The following NLRP3 variants were observed in gnomAD, a reference collection of about 807,000 sequenced individuals.
The protein encoded by NLRP3 is NACHT, LRR and PYD domains-containing protein 3.
Under a neutral mutation model 91.3 loss-of-function variants are expected in NLRP3, and 48 were observed. The observed-to-expected ratio is 0.53, with a 90% CI of 0.42 to 0.67. NLRP3 has a LOEUF of 0.67. Ranked by LOEUF, NLRP3 falls within the 30% of genes least tolerant of loss-of-function variation. NLRP3 has a pLI of 0.00. For synonymous variants in NLRP3, 561 were observed against 507.9 expected (o/e 1.10, Z -1.41); for missense variants, 982 against 1,276.9 (o/e 0.77, Z 3.52).
chr1:247,441,169 TTCTC>T (rs773140963), intron 7 of NLRP3, among the ~76,000 whole-genome samples: 2 of 140,370 alleles, frequency 1.4e-5, no homozygotes, highest in Non-Finnish European at 3.1e-5. Context: ...CTTTCTTTCT[TTCTC>T]TTTCTCCCTT....
At chr1:247,443,073 C>T (rs1176161071) in intron 7 of NLRP3, among the ~76,000 whole-genome samples, 1 of 152,028 alleles carries the variant, frequency 6.6e-6, no homozygotes, top group Non-Finnish European at 1.5e-5. Context: ...TTACAGGTGC[C>T]CACCACCACC....
chr1:247,422,769 C>A (rs942822651), intron 2 of NLRP3, among the ~76,000 whole-genome samples: 1 of 152,208 alleles, frequency 6.6e-6, no homozygotes, highest in Non-Finnish European at 1.5e-5. Context: ...GACATCTAGA[C>A]TTGACAATAG....
rs185900790 is a variant in NLRP3 at position 247,445,301 on chromosome 1, C to T, written c.3005+480C>T. 3.3e-3 allele frequency among the ~76,000 whole-genome samples: 508 copies of T among 152,128 alleles called. 4 individuals are homozygous for T. The highest frequency in any genetic ancestry group is 0.012 in the African/African-American group (480 of 41,512). ...CTGCAAGCTCCGCCTCCCGGGTTCA[C>T]GCCATTCTCCTGCCTCGGCCTCCCA... On this transcript the variant is annotated intron_variant, in intron 9 of 9. Transcript: ENST00000336119.
At chr1:247,432,028 GC>G (rs2103146356) in intron 5 of NLRP3, among the ~76,000 whole-genome samples, 1 of 152,224 alleles carries the variant, frequency 6.6e-6, no homozygotes, top group East Asian at 1.9e-4. Flanking sequence ...GGGATTACAG[GC>G]ATGGGCCACC....
intron 5 of NLRP3, among the ~76,000 whole-genome samples, chr1:247,433,166 C>T (rs1268067354): frequency 1.3e-5 from 2 of 151,728 alleles, no homozygotes; most frequent in African/African-American, 4.8e-5. Flanking sequence ...ATGATCTCGC[C>T]AGTGCACTCC....
chr1:247,427,286 G>A (rs575727815), intron 4 of NLRP3, among the ~76,000 whole-genome samples: 100 of 152,322 alleles, frequency 6.6e-4, no homozygotes, highest in African/African-American at 2.3e-3. Flanking sequence ...TCATGTTGAG[G>A]GTTAGGATTT....
chr1:247,435,278 T>G (rs1433951099), intron 6 of NLRP3, among the ~76,000 whole-genome samples: 1 of 152,116 alleles, frequency 6.6e-6, no homozygotes, highest in African/African-American at 2.4e-5. Context: ...AAACATGTTA[T>G]TTGTACATCT....
intron 9 of NLRP3, among the ~76,000 whole-genome samples, chr1:247,446,184 G>C (rs1490442059): frequency 6.6e-6 from 1 of 152,110 alleles, no homozygotes; most frequent in African/African-American, 2.4e-5. Context: ...TGCCTTCCCA[G>C]CTTGGCCACT....
chr1:247,433,795 A>G (rs1480382490), intron 5 of NLRP3, among the ~76,000 whole-genome samples: 1,550 of 126,408 alleles, frequency 0.012, 38 homozygotes, highest in Non-Finnish European at 0.015. Flanking sequence ...TCTCTATTCC[A>G]GAGCTCTCTG....
intron 2 of NLRP3, 35 bp from the exon 3 acceptor site, chr1:247,423,195 G>A (rs200793538): frequency 3.0e-5 from 49 of 1,613,494 alleles, no homozygotes; most frequent in South Asian, 2.9e-4. Context: ...TGTGATAATA[G>A]TTCTGGGTTT....
Position 247,424,141 on chromosome 1 carries a change from C to T in NLRP3, c.692C>T (p.Thr231Ile), listed in dbSNP as rs1464620030. 3 of 1,613,976 alleles carry T rather than the reference C, an allele frequency of 1.9e-6. No individual in the cohort carries two copies. The African/African-American group carries it at 4.0e-5, about 22-fold the overall frequency. The change falls in exon 4 of 10, where the codon ACA (threonine) becomes ATA (isoleucine). Residue 231 changes from threonine (T) to isoleucine (I), a missense_variant. Around this residue, in one of 5 missense-constraint regions of NLRP3, gnomAD observed 548 missense variants for 713.7 expected, o/e 0.77. Transcript: ENST00000336119. This position sits in a 1 kb window ranked among gnomAD's most constrained non-coding sequence, Gnocchi z 8.1. Reference protein sequence around the residue: ...VFQGAAGIGKTILARKMMLDW... With the variant: ...VFQGAAGIGKIILARKMMLDW... ...CAGGGGGCGGCAGGGATTGGGAAAA[C>T]AATCCTGGCCAGGAAGATGATGTTG...
chr1:247,445,583 A>C (rs1228107795), intron 9 of NLRP3, among the ~76,000 whole-genome samples: 1 of 152,160 alleles, frequency 6.6e-6, no homozygotes, highest in Non-Finnish European at 1.5e-5. Context: ...GTGTGTCAGG[A>C]TATTGCCAGC....
Position 247,419,088 on chromosome 1 carries a change from G to A in NLRP3, c.277+11G>A, listed in dbSNP as rs577522959. ...ATGAGCCGAAGTGGGGTGAGTGGAAGGAAGACTTTTAAAAAAAATTGTGGC... is the reference window on the plus strand; with the variant it reads ...ATGAGCCGAAGTGGGGTGAGTGGAAAGAAGACTTTTAAAAAAAATTGTGGC... On this transcript the variant is annotated intron_variant, in intron 2 of 9. Transcript: ENST00000336119. 164 of 1,605,162 alleles carry A rather than the reference G, an allele frequency of 1.0e-4. No homozygotes were observed. The East Asian group carries it at 3.5e-3, about 34-fold the overall frequency.
intron 4 of NLRP3, among the ~76,000 whole-genome samples, chr1:247,428,769 A>C (rs550553802): frequency 2.8e-4 from 43 of 152,268 alleles, no homozygotes; most frequent in Non-Finnish European, 5.1e-4. Flanking sequence ...GCAGTGAGCT[A>C]TGATCATGGC....
In NLRP3 at chr1:247,424,106, C is replaced by A; in HGVS notation, c.657C>A (p.Thr219=). Residue 219 remains threonine (T), a synonymous_variant, in exon 4 of 10, where the codon ACC becomes ACA. Transcript: ENST00000336119. This position sits in a 1 kb window ranked among gnomAD's most constrained non-coding sequence, Gnocchi z 8.1. ...ATGAGCATTCTGAGCCTGTGCACAC[C>A]GTGGTGTTCCAGGGGGCGGCAGGGA... ...PDDEHSEPVH[T]VVFQGAAGIG... 1 of 1,613,926 alleles carries A rather than the reference C, an allele frequency of 6.2e-7. No homozygotes were observed. The highest frequency in any genetic ancestry group is 2.2e-5 in the East Asian group (1 of 44,856).
rs1662239344 is a variant in NLRP3 at position 247,418,910 on chromosome 1, T to A, written c.110T>A (p.Ile37Asn). 1.2e-6 allele frequency: 2 copies of A among 1,613,924 alleles called. No homozygotes were observed. Among genetic ancestry groups the A allele is most frequent in the East Asian group, 2.2e-5 (1 of 44,854 alleles). Residue 37 changes from isoleucine (I) to asparagine (N), a missense_variant, in exon 2 of 10, where the codon ATC becomes AAC. Coordinates refer to ENST00000336119, the MANE Select transcript of NLRP3 (RefSeq NM_001243133.2). ...LEDYPPQKGC[I>N]PLPRGQTEKA... ...GACTATCCTCCCCAGAAGGGCTGCA[T>A]CCCCCTCCCGAGGGGTCAGACAGAG...
In NLRP3 at chr1:247,425,645, GCTT is replaced by G. The variant is rs1662821468; in HGVS notation, c.2150+53_2150+55del. On this transcript the variant is annotated intron_variant, in intron 4 of 9. Transcript: ENST00000336119. This position sits in a 1 kb window ranked among gnomAD's most constrained non-coding sequence, Gnocchi z 4.1. ...GGTGCTTCCTCCTGCTTCCTCGCCA[GCTT>G]CTTCTTGGCGCTTGCCTCCTCTCAT... is the stretch of plus-strand genomic sequence containing the variant. 1.3e-6 allele frequency: 2 copies of G among 1,570,064 alleles called. No homozygotes were observed. The highest frequency in any genetic ancestry group is 1.7e-6 in the Non-Finnish European group (2 of 1,154,134).
intron 7 of NLRP3, among the ~76,000 whole-genome samples, chr1:247,438,569 A>G (rs1053497362): frequency 1.3e-5 from 2 of 151,926 alleles, no homozygotes; most frequent in Non-Finnish European, 2.9e-5. Context: ...TTTTTAGTAG[A>G]TACGGGGTTT....
Position 247,448,219 on chromosome 1 carries a change from G to A in NLRP3, c.3006-186G>A, listed in dbSNP as rs934159047. On this transcript the variant is annotated intron_variant, in intron 9 of 9. Transcript: ENST00000336119. ...GTCTCGCGGCCATCTTGGTCTCGGCGGCGGCGACGGCGGCGAGGACGCGGA... is the reference window on the plus strand; with the variant it reads ...GTCTCGCGGCCATCTTGGTCTCGGCAGCGGCGACGGCGGCGAGGACGCGGA... Among the ~76,000 whole-genome samples the A allele has an allele frequency of 1.8e-4, 27 of 151,570 alleles. 1 individual carries two copies. The highest frequency in any genetic ancestry group is 1.8e-3 in the Admixed American group (27 of 15,200).
Sources: allele counts gnomAD v4.1 joint callset (sites outside exome capture counted in the v4.1 genomes callset), GRCh38; gene constraint gnomAD v4.1.1; regional missense constraint gnomAD v4.1.1; non-coding constraint Gnocchi (gnomAD v3.1); transcripts MANE v1.5; gene names NCBI Gene and HGNC (gene_info 2026-07-23, HGNC 2026-07-21).